CAPZA1: variants seen among roughly 807,000 people sequenced by gnomAD.
CAPZA1 encodes the protein capping actin protein of muscle Z-line subunit alpha 1, also known as F-actin-capping protein subunit alpha-1.
Under a neutral mutation model 40.8 loss-of-function variants are expected in CAPZA1, and 10 were observed. The observed-to-expected ratio is 0.25, with a 90% CI of 0.15 to 0.42. The LOEUF (loss-of-function observed/expected upper bound fraction) is 0.42, where lower values mean the gene tolerates loss of function less well. Among genes scored for constraint, CAPZA1 ranks in the 10% least tolerant of loss-of-function variants. The pLI, the probability that CAPZA1 is intolerant of heterozygous loss-of-function variation, is 1.00. For missense variants in CAPZA1, 277 were observed against 353.8 expected (o/e 0.78, Z 1.74); for synonymous variants, 98 against 115.0 (o/e 0.85, Z 0.95).
chr1:112,626,878 G>A lies in CAPZA1; in HGVS notation c.39+6995G>A, dbSNP rs183227116. On this transcript the variant is annotated intron_variant, in intron 1 of 9. Coordinates refer to ENST00000263168, the MANE Select transcript of CAPZA1 (RefSeq NM_006135.3). Reference sequence around the variant, plus strand: ...ATCGAATTCTGTTGAGTGTAGTCATGGTATAACATACTGTTTAAACAAGAA... The same window carrying A: ...ATCGAATTCTGTTGAGTGTAGTCATAGTATAACATACTGTTTAAACAAGAA... 4.4e-3 allele frequency among the ~76,000 whole-genome samples: 672 copies of A among 152,298 alleles called. 3 individuals are homozygous for A. Among genetic ancestry groups the A allele is most frequent in the Non-Finnish European group, 7.2e-3 (490 of 68,024 alleles).
chr1:112,663,687 T>C (rs1671664104), intron 7 of CAPZA1, among the ~76,000 whole-genome samples: 1 of 151,930 alleles, frequency 6.6e-6, no homozygotes, highest in Admixed American at 6.5e-5. Context: ...GTATTTTTAG[T>C]AGAGACAGGG....
At chr1:112,629,689 C>T (rs1007534952) in intron 1 of CAPZA1, among the ~76,000 whole-genome samples, 1 of 152,180 alleles carries the variant, frequency 6.6e-6, no homozygotes, top group South Asian at 2.1e-4. Context: ...TAGCAAGTGG[C>T]CATTGCCAAT....
In CAPZA1 at chr1:112,670,230, T is replaced by G; in HGVS notation, c.*98T>G. ...TTTATAAACAAGAGTGATATTTTGC[T>G]AGGGCTTTCAAAGTTAACCGGTTTT... On this transcript the variant is annotated 3_prime_UTR_variant, in exon 10 of 10. Transcript: ENST00000263168. 1 of 1,436,150 alleles carries G rather than the reference T, an allele frequency of 7.0e-7. No homozygotes were observed. The allele number at this position is 1,436,150 out of a possible 1,614,324, so 89.0% of individuals were successfully genotyped here.
chr1:112,667,281 AG>A (rs1671742064), intron 8 of CAPZA1, 136 bp downstream of exon 8: 1 of 616,870 alleles, frequency 1.6e-6, no homozygotes, highest in African/African-American at 1.8e-5. Context: ...CACTTCTGTT[AG>A]TGCCTCTTAT....
At chr1:112,656,948 C>T (rs1671511467) in intron 5 of CAPZA1, among the ~76,000 whole-genome samples, 1 of 148,974 alleles carries the variant, frequency 6.7e-6, no homozygotes, top group South Asian at 2.1e-4. Context: ...GTCTTCCAAG[C>T]TGGAGTGCAA....
chr1:112,642,978 T>C (rs2101157576), intron 1 of CAPZA1, among the ~76,000 whole-genome samples: 1 of 152,294 alleles, frequency 6.6e-6, no homozygotes, highest in South Asian at 2.1e-4. Context: ...TACTTATTTT[T>C]TGGATTACAC....
intron 1 of CAPZA1, among the ~76,000 whole-genome samples, chr1:112,629,651 T>C (rs1670882190): frequency 1.3e-5 from 2 of 152,224 alleles, no homozygotes; most frequent in African/African-American, 4.8e-5. Flanking sequence ...TAGATTTTTA[T>C]TAATGGAGCT....
At chr1:112,626,756 A>G (rs1179866483) in intron 1 of CAPZA1, among the ~76,000 whole-genome samples, 4 of 152,182 alleles carry the variant, frequency 2.6e-5, no homozygotes, top group African/African-American at 9.7e-5. Context: ...CTTCACAGCT[A>G]TAACGTATTA....
intron 1 of CAPZA1, among the ~76,000 whole-genome samples, chr1:112,641,953 A>G (rs985638458): frequency 6.6e-6 from 1 of 150,918 alleles, no homozygotes. Flanking sequence ...TAATAAACCT[A>G]TTACATTTAA....
At chr1:112,638,971 G>A (rs1013059644) in intron 1 of CAPZA1, among the ~76,000 whole-genome samples, 18 of 137,450 alleles carry the variant, frequency 1.3e-4, no homozygotes, top group Admixed American at 2.8e-4. Context: ...TATATAGAGA[G>A]AGAATAATTT....
intron 7 of CAPZA1, among the ~76,000 whole-genome samples, chr1:112,663,611 C>T (rs780015890): frequency 6.6e-6 from 1 of 152,086 alleles, no homozygotes; most frequent in Non-Finnish European, 1.5e-5. Context: ...AAGTGATTCT[C>T]CTGTCTCAGC....
intron 4 of CAPZA1, among the ~76,000 whole-genome samples, chr1:112,654,023 G>T (rs1671451183): frequency 1.3e-5 from 2 of 152,120 alleles, no homozygotes; most frequent in South Asian, 4.1e-4. Flanking sequence ...GATTTTGGTG[G>T]TTGGGAAATG....
intron 7 of CAPZA1, among the ~76,000 whole-genome samples, chr1:112,662,678 G>A (rs915656325): frequency 6.6e-5 from 10 of 152,000 alleles, no homozygotes; most frequent in African/African-American, 1.4e-4. Context: ...GATTACAGGC[G>A]TGAGCCACTG....
At chr1:112,643,613 A>C (rs1003821946) in intron 1 of CAPZA1, among the ~76,000 whole-genome samples, 2 of 152,232 alleles carry the variant, frequency 1.3e-5, no homozygotes, top group African/African-American at 4.8e-5. Flanking sequence ...TCAGGACCGA[A>C]AAAAGTTAGT....
chr1:112,649,452 C>T lies in CAPZA1; in HGVS notation c.138C>T (p.Leu46=), dbSNP rs1265158116. ...TACTACTTAATAATGACAATCTCCTCAGGGAAGGGGCAGCACAGTAAGTAT... is the reference window on the plus strand; with the variant it reads ...TACTACTTAATAATGACAATCTCCTTAGGGAAGGGGCAGCACAGTAAGTAT... ...VRLLLNNDNL[L]REGAAHAFAQ... is the part of the protein sequence containing the mutation. Residue 46 remains leucine (L), a synonymous_variant, in exon 3 of 10, where the codon CTC becomes CTT. Coordinates refer to ENST00000263168, the MANE Select transcript of CAPZA1 (RefSeq NM_006135.3). 1.2e-6 allele frequency: 2 copies of T among 1,612,188 alleles called. No homozygotes were observed. The highest frequency in any genetic ancestry group is 1.3e-5 in the African/African-American group (1 of 74,844).
intron 7 of CAPZA1, among the ~76,000 whole-genome samples, chr1:112,660,967 C>T (rs3013437): frequency 4.1e-5 from 6 of 147,122 alleles, no homozygotes; most frequent in Non-Finnish European, 5.9e-5. Context: ...AAGCAATTCT[C>T]TTGCCTCAGC....
intron 5 of CAPZA1, 111 bp from the exon 6 acceptor site, chr1:112,658,911 T>C: frequency 1.3e-6 from 1 of 781,868 alleles, no homozygotes; most frequent in South Asian, 1.5e-5. Flanking sequence ...AAGCTCATTT[T>C]ATGTGATTCT....
chr1:112,653,732 A>ACATC, intron 4 of CAPZA1, 71 bp downstream of exon 4: 5 of 1,007,874 alleles, frequency 5.0e-6, no homozygotes, highest in Non-Finnish European at 7.7e-6. Context: ...ACCAAAGCAG[A>ACATC]TGTCTGAACC....
Position 112,670,354 on chromosome 1 carries a change from C to CTTTTT in CAPZA1, c.*225_*229dup. ...GTTACTGCTATATCTACGTGTAAAT[C>CTTTTT]TTTTTTTCTTTTTTTTTTTTTTTTT... On this transcript the variant is annotated 3_prime_UTR_variant, in exon 10 of 10. Coordinates refer to ENST00000263168, the MANE Select transcript of CAPZA1 (RefSeq NM_006135.3). 2 of 130,140 alleles carry CTTTTT rather than the reference C, an allele frequency of 1.5e-5. No homozygotes were observed. The highest frequency in any genetic ancestry group is 2.8e-5 in the Non-Finnish European group (2 of 72,014). The allele number at this position is 130,140 out of a possible 1,614,324, so 8.1% of individuals were successfully genotyped here.
Sources: gnomAD v4.1 joint callset for allele counts (sites outside exome capture counted in the v4.1 genomes callset) on GRCh38, gnomAD v4.1.1 for gene constraint, MANE v1.5 for transcripts, NCBI Gene and HGNC (gene_info 2026-07-23, HGNC 2026-07-21) for gene names.